A1CF: variants seen among roughly 807,000 people sequenced by gnomAD.
A1CF encodes the protein APOBEC1 complementation factor.
A neutral mutation model predicts 68.9 loss-of-function variants in A1CF; 48 were observed. The observed-to-expected ratio is 0.70, with a 90% CI of 0.55 to 0.89. The LOEUF (loss-of-function observed/expected upper bound fraction) is 0.89. A1CF is among the 40% of genes least tolerant of loss of function. The probability of loss-of-function intolerance (pLI) is 0.00; values close to 1 mark genes in which losing one functional copy is unlikely to be tolerated. For synonymous variants in A1CF, 272 were observed against 260.4 expected (o/e 1.04, Z -0.43); for missense variants, 653 against 718.9 (o/e 0.91, Z 1.05).
chr10:50,877,289 A>T (rs1841557559), intron 1 of A1CF, among the ~76,000 whole-genome samples: 1 of 152,220 alleles, frequency 6.6e-6, no homozygotes, highest in Non-Finnish European at 1.5e-5. Flanking sequence ...TAGAGACCTG[A>T]TGAGCTGTGT....
Position 50,802,079 on chromosome 10 carries a change from A to T in A1CF, c.*4650T>A, listed in dbSNP as rs1837622273. 6.6e-6 allele frequency: 1 copy of T among 152,216 alleles called. No homozygotes were observed. The highest frequency in any genetic ancestry group is 1.5e-5 in the Non-Finnish European group (1 of 68,024). The allele number at this position is 152,216 out of a possible 1,614,324, so 9.4% of individuals were successfully genotyped here. A position where few individuals can be genotyped will look rare whatever the true frequency, so the allele number is the denominator to read the frequency against. ...CTGTACCCATTTTTCCTTTAATAAA[A>T]AAAGCTTAAATATTTTACTTTTTAA... On this transcript the variant is annotated 3_prime_UTR_variant, in exon 13 of 13. Transcript: ENST00000373997.
chr10:50,879,298 G>A (rs184798066), intron 1 of A1CF, among the ~76,000 whole-genome samples: 213 of 152,280 alleles, frequency 1.4e-3, no homozygotes, highest in Non-Finnish European at 2.2e-3. Flanking sequence ...TGTCCTCCAG[G>A]TAGGAGGTGC....
At chr10:50,872,946 C>CTTTTT (rs34770362) in intron 1 of A1CF, among the ~76,000 whole-genome samples, 1 of 67,306 alleles carries the variant, frequency 1.5e-5, no homozygotes. Flanking sequence ...ATTTAAGTTC[C>CTTTTT]TTTTTTTTTT....
intron 12 of A1CF, 91 bp from the exon 13 acceptor site, chr10:50,806,971 A>T: frequency 1.5e-6 from 2 of 1,317,322 alleles, no homozygotes; most frequent in Non-Finnish European, 2.1e-6. Flanking sequence ...ACGAACATTT[A>T]ACATATTGCT....
chr10:50,815,059 G>C (rs1018923381), intron 9 of A1CF, among the ~76,000 whole-genome samples: 2 of 152,100 alleles, frequency 1.3e-5, no homozygotes, highest in Non-Finnish European at 2.9e-5. Context: ...TAAGATAATT[G>C]TTTCCACAGT....
At chr10:50,822,557 G>T (rs1289705552) in intron 7 of A1CF, 1 of 152,032 alleles carries the variant, frequency 6.6e-6, no homozygotes, top group East Asian at 1.9e-4. Flanking sequence ...TGTAACATAA[G>T]GACAATTTAA....
intron 3 of A1CF, among the ~76,000 whole-genome samples, chr10:50,851,233 G>A (rs1840227539): frequency 6.6e-6 from 1 of 152,192 alleles, no homozygotes; most frequent in Non-Finnish European, 1.5e-5. Context: ...TGAAGGAGTA[G>A]GAGGGTTGAC....
intron 3 of A1CF, among the ~76,000 whole-genome samples, chr10:50,856,587 C>T (rs1437644741): frequency 1.3e-5 from 2 of 152,080 alleles, no homozygotes; most frequent in Non-Finnish European, 2.9e-5. Context: ...ATTATAACAA[C>T]TCTCAGTTTT....
chr10:50,872,153 G>A (rs1841298375), intron 1 of A1CF, among the ~76,000 whole-genome samples: 1 of 152,106 alleles, frequency 6.6e-6, no homozygotes, highest in South Asian at 2.1e-4. Context: ...GTAATCTTTA[G>A]TGATCAGGAA....
chr10:50,845,281 GA>G (rs902760223), intron 3 of A1CF, among the ~76,000 whole-genome samples: 3 of 151,820 alleles, frequency 2.0e-5, no homozygotes, highest in Non-Finnish European at 2.9e-5. Flanking sequence ...TATGCTTATA[GA>G]AAAAAACCCC....
At chr10:50,825,424 C>T (rs1433861561) in intron 7 of A1CF, among the ~76,000 whole-genome samples, 1 of 152,120 alleles carries the variant, frequency 6.6e-6, no homozygotes, top group Non-Finnish European at 1.5e-5. Flanking sequence ...ATTTCTGCAT[C>T]GCTTCTTGGA....
At chr10:50,814,353 CT>C (rs1288128747) in intron 9 of A1CF, among the ~76,000 whole-genome samples, 1 of 152,098 alleles carries the variant, frequency 6.6e-6, no homozygotes, top group African/African-American at 2.4e-5. Context: ...CAATTTTTGT[CT>C]TTAGGTAACC....
intron 3 of A1CF, chr10:50,850,785 C>G: frequency 6.2e-7 from 1 of 1,613,664 alleles, no homozygotes; most frequent in South Asian, 1.1e-5. Flanking sequence ...ACACTGCTTC[C>G]ATCTATAGGA....
Position 50,800,145 on chromosome 10 carries a change from A to G in A1CF, c.*6584T>C, listed in dbSNP as rs1336673196. On this transcript the variant is annotated 3_prime_UTR_variant, in exon 13 of 13. Coordinates refer to ENST00000373997, the MANE Select transcript of A1CF (RefSeq NM_014576.4). The stretch of plus-strand genomic sequence containing the variant: ...TGTATTTAGAAAACAGAAATAGTTA[A>G]TGGCCAAAATGTTTTCAAGTAAATA... 2 of 152,140 alleles carry G rather than the reference A, an allele frequency of 1.3e-5. No individual in the cohort carries two copies. The highest frequency in any genetic ancestry group is 4.8e-5 in the African/African-American group (2 of 41,464). The allele number at this position is 152,140 out of a possible 1,614,324, so 9.4% of individuals were successfully genotyped here. A position where few individuals can be genotyped will look rare whatever the true frequency, so the allele number is the denominator to read the frequency against.
rs2132298740 is a variant in A1CF at position 50,806,724 on chromosome 10, C to T, written c.*5G>A. The T allele has an allele frequency of 6.4e-7, 1 of 1,566,006 alleles. No individual in the cohort carries two copies. The highest frequency in any genetic ancestry group is 8.6e-7 in the Non-Finnish European group (1 of 1,162,168). ...TGTCTTATTCTTAAATTTAAAAAAG[C>T]ATCTTCAGAAGGTGCCATATCCATC... On this transcript the variant is annotated 3_prime_UTR_variant, in exon 13 of 13. Transcript: ENST00000373997.
intron 1 of A1CF, among the ~76,000 whole-genome samples, chr10:50,876,621 T>C (rs1242741883): frequency 6.6e-6 from 1 of 152,174 alleles, no homozygotes; most frequent in East Asian, 1.9e-4. Context: ...TGGCTCTTCT[T>C]GCGTCTCTAA....
At chr10:50,860,558 G>T (rs2132530166) in intron 2 of A1CF, among the ~76,000 whole-genome samples, 1 of 152,228 alleles carries the variant, frequency 6.6e-6, no homozygotes, top group East Asian at 1.9e-4. Flanking sequence ...AAGAACAATG[G>T]ATGCTTTTGA....
At chr10:50,859,268 A>G (rs180923499) in intron 3 of A1CF, among the ~76,000 whole-genome samples, 108 of 152,306 alleles carry the variant, frequency 7.1e-4, no homozygotes, top group African/African-American at 2.1e-3. Flanking sequence ...TATACAGATA[A>G]TTTCTAAAAG....
Position 50,802,495 on chromosome 10 carries a change from G to A in A1CF, c.*4234C>T, listed in dbSNP as rs1406842236. On this transcript the variant is annotated 3_prime_UTR_variant, in exon 13 of 13. Coordinates refer to ENST00000373997, the MANE Select transcript of A1CF (RefSeq NM_014576.4). ...AAACTTAGTTTTATCTTTAACAGATGTATTTACAATATATGAAAGTGTATC... is the reference window on the plus strand; with the variant it reads ...AAACTTAGTTTTATCTTTAACAGATATATTTACAATATATGAAAGTGTATC... 1 of 152,126 alleles carries A rather than the reference G, an allele frequency of 6.6e-6. No individual in the cohort carries two copies. Among genetic ancestry groups the A allele is most frequent in the African/African-American group, 2.4e-5 (1 of 41,420 alleles). 9.4% of individuals were successfully genotyped at this position (152,126 alleles called of 1,614,324 possible).
Sources: allele counts gnomAD v4.1 joint callset (sites outside exome capture counted in the v4.1 genomes callset), GRCh38; gene constraint gnomAD v4.1.1; transcripts MANE v1.5; gene names NCBI Gene and HGNC (gene_info 2026-07-23, HGNC 2026-07-21).